Variants in IRX6 observed in about 807,000 individuals in gnomAD.
IRX6 encodes the protein iroquois-class homeodomain protein IRX-6.
IRX6 carries 46 observed loss-of-function variants against 47.7 expected under a neutral mutation model. That is an observed-to-expected ratio of 0.96 (90% CI 0.76 to 1.23). IRX6 has a LOEUF of 1.23. Among genes scored for constraint, IRX6 ranks in the 50% most tolerant of loss-of-function variants. The pLI, the probability that IRX6 is intolerant of heterozygous loss-of-function variation, is 0.00. For synonymous variants in IRX6, 265 were observed against 246.2 expected, an observed-to-expected ratio of 1.08 and a Z score of -0.72; for missense variants, 722 against 588.0, an observed-to-expected ratio of 1.23 and a Z score of -2.36.
At position 55,328,929 on chromosome 16, in the gene IRX6, C is replaced by T; in HGVS notation, c.951C>T (p.Ser317=). ...GCGGCCTGGCTGCGCCCCGCTTCTC[C>T]TTCAATGACCCTTCCGGATCGGAAG... is the stretch of plus-strand genomic sequence containing the variant. The part of the protein sequence containing the change: ...RECGLAAPRF[S]FNDPSGSEEA... Residue 317 remains serine (S), a synonymous_variant, in exon 5 of 6, where the codon TCC becomes TCT. Coordinates refer to ENST00000290552, the MANE Select transcript of IRX6 (RefSeq NM_024335.3). The T allele has an allele frequency of 3.1e-6, 5 of 1,613,448 alleles. No individual in the cohort carries two copies. The highest frequency in any genetic ancestry group is 4.2e-6 in the Non-Finnish European group (5 of 1,180,014).
Position 55,325,525 on chromosome 16 carries a change from AGGAAGG to A in IRX6, c.45+390_45+395del, listed in dbSNP as rs1567338498. 3.6e-4 allele frequency among the ~76,000 whole-genome samples: 13 copies of A among 36,012 alleles called. 3 individuals carry two copies. Among genetic ancestry groups the A allele is most frequent in the South Asian group, 1.6e-3 (1 of 638 alleles). The allele number at this position is 36,012 out of a possible 152,430, so 23.6% of individuals were successfully genotyped here. A position where few individuals can be genotyped will look rare whatever the true frequency, so the allele number is the denominator to read the frequency against. On this transcript the variant is annotated intron_variant, in intron 1 of 5. Transcript: ENST00000290552. Reference sequence around the variant, plus strand: ...AAGGAAGGAAGGAAGGAAGGAAGGAAGGAAGGAGAGAGAGAGAGAGAGAGAGAGAGA... The same window carrying A: ...AAGGAAGGAAGGAAGGAAGGAAGGAAAGAGAGAGAGAGAGAGAGAGAGAGA...
At chr16:55,325,187 C>G in intron 1 of IRX6, 51 bp downstream of exon 1, 1 of 1,569,042 alleles carries the variant, frequency 6.4e-7, no homozygotes, top group Non-Finnish European at 8.8e-7. Flanking sequence ...GGAGGGAGTG[C>G]CTAGTGCACG....
Position 55,330,501 on chromosome 16 carries a change from G to T in IRX6, c.*196G>T. 3.3e-6 allele frequency: 2 copies of T among 612,914 alleles called. No individual in the cohort carries two copies. The allele number at this position is 612,914 out of a possible 1,614,324, so 38.0% of individuals were successfully genotyped here. ...TGGTGGGCCGACTTGAACCTTAGCAGTCCCCACGGGAGATGGCAGGGCACC... is the reference window on the plus strand; with the variant it reads ...TGGTGGGCCGACTTGAACCTTAGCATTCCCCACGGGAGATGGCAGGGCACC... On this transcript the variant is annotated 3_prime_UTR_variant, in exon 6 of 6. Coordinates refer to ENST00000290552, the MANE Select transcript of IRX6 (RefSeq NM_024335.3).
At chr16:55,326,739 T>G in intron 2 of IRX6, 146 bp downstream of exon 2, 1 of 733,096 alleles carries the variant, frequency 1.4e-6, no homozygotes, top group African/African-American at 1.8e-5. Flanking sequence ...TACCTTACAG[T>G]TTGCAGAACT....
chr16:55,325,573 A>C (rs1299532143), intron 1 of IRX6, among the ~76,000 whole-genome samples: 53 of 131,844 alleles, frequency 4.0e-4, no homozygotes, highest in Non-Finnish European at 6.4e-4. Context: ...AAGAAAGAGA[A>C]AGAAAGAAAG....
At chr16:55,329,448 G>A (rs1296560332) in intron 5 of IRX6, 137 bp downstream of exon 5, 4 of 1,144,192 alleles carry the variant, frequency 3.5e-6, no homozygotes, top group Non-Finnish European at 4.8e-6. Flanking sequence ...GCTTTACAGC[G>A]CTCTTTCAGA....
chr16:55,325,541 G>A (rs796246873), intron 1 of IRX6, among the ~76,000 whole-genome samples: 1,226 of 10,810 alleles, frequency 0.11, 435 homozygotes, highest in East Asian at 0.3. Flanking sequence ...GAGAGAGAGA[G>A]AGAGAGAGAG....
At position 55,325,016 on chromosome 16, in the gene IRX6, C is replaced by A; in HGVS notation, c.-76C>A. 1 of 1,502,986 alleles carries A rather than the reference C, an allele frequency of 6.7e-7. No individual in the cohort carries two copies. Among genetic ancestry groups the A allele is most frequent in the South Asian group, 1.1e-5 (1 of 88,634 alleles). 93.1% of individuals were successfully genotyped at this position (1,502,986 alleles called of 1,614,324 possible). A position where few individuals can be genotyped will look rare whatever the true frequency, so the allele number is the denominator to read the frequency against. On this transcript the variant is annotated 5_prime_UTR_variant, in exon 1 of 6. It adds an upstream start codon to the 5' untranslated region. Coordinates refer to ENST00000290552, the MANE Select transcript of IRX6 (RefSeq NM_024335.3). Reference sequence around the variant, plus strand: ...CGGTGTAAGGAACTGAGACACCTCACTGCTGGGGGCGCGGAACAGCTGGGC... The same window carrying A: ...CGGTGTAAGGAACTGAGACACCTCAATGCTGGGGGCGCGGAACAGCTGGGC...
chr16:55,327,462 A>G (rs1960552160), intron 3 of IRX6, 57 bp downstream of exon 3: 4 of 1,571,144 alleles, frequency 2.5e-6, no homozygotes, highest in African/African-American at 1.4e-5. Context: ...CCCCACTGCC[A>G]AGGTAGGGTG....
intron 5 of IRX6, among the ~76,000 whole-genome samples, chr16:55,329,671 T>C (rs1379943273): frequency 7.6e-6 from 1 of 131,182 alleles, no homozygotes; most frequent in Non-Finnish European, 1.6e-5. Flanking sequence ...GTCCCCTGCC[T>C]GCCTTTCAGA....
chr16:55,328,734 G>A lies in IRX6; in HGVS notation c.756G>A (p.Arg252=), dbSNP rs1356126099. The A allele has an allele frequency of 1.2e-6, 2 of 1,613,156 alleles. No individual in the cohort carries two copies. The highest frequency in any genetic ancestry group is 3.3e-5 in the Admixed American group (2 of 60,008). Residue 252 remains arginine, a synonymous_variant, in exon 5 of 6, where the codon CGG becomes CGA. Transcript: ENST00000290552. ...VTASQEARGL[R]LSDLEDLEEE... is the part of the protein sequence containing the mutation. ...CTAGCCAGGAGGCCCGGGGGCTCCG[G>A]CTGAGTGACCTGGAAGACCTGGAGG... is the stretch of plus-strand genomic sequence containing the variant.
In IRX6 at chr16:55,326,569, G is replaced by GC; in HGVS notation, c.285dup (p.Ser96LeufsTer11). The GC allele has an allele frequency of 1.9e-6, 3 of 1,565,638 alleles. No individual in the cohort carries two copies. The highest frequency in any genetic ancestry group is 1.7e-4 in the Middle Eastern group (1 of 5,988). ...CTGGCTACCTGCCCTATAGCCCAGA[G>GC]CCCCCCTCACTGTATGGGGCACTGG... On this transcript the variant is annotated frameshift_variant, in exon 2 of 6. Transcript: ENST00000290552. LOFTEE classifies it high-confidence loss of function.
chr16:55,330,365 T>A lies in IRX6; in HGVS notation c.*60T>A. 1 of 1,577,258 alleles carries A rather than the reference T, an allele frequency of 6.3e-7. No individual in the cohort carries two copies. Among genetic ancestry groups the A allele is most frequent in the Non-Finnish European group, 8.7e-7 (1 of 1,146,470 alleles). On this transcript the variant is annotated 3_prime_UTR_variant, in exon 6 of 6. Transcript: ENST00000290552. ...ATGGGCCCCACGTTTCGAATTCATCTCCAGGTTAAGAAGCTGCCAGACCTT... is the reference window on the plus strand; with the variant it reads ...ATGGGCCCCACGTTTCGAATTCATCACCAGGTTAAGAAGCTGCCAGACCTT...
At position 55,327,800 on chromosome 16, in the gene IRX6, A is replaced by C; in HGVS notation, c.628A>C (p.Met210Leu). The C allele has an allele frequency of 1.2e-6, 2 of 1,612,912 alleles. No homozygotes were observed. The highest frequency in any genetic ancestry group is 1.9e-4 in the Middle Eastern group (1 of 5,226). ...CCGGCGCCTCAAGAAAGAGAACAAA[A>C]TGACATGGGCGCCCAAGAACAAAGG... ...ARRRLKKENK[M>L]TWAPKNKGGE... Residue 210 changes from methionine to leucine, a missense_variant, in exon 4 of 6, where the codon ATG becomes CTG. Transcript: ENST00000290552.
Position 55,327,614 on chromosome 16 carries a change from G to A in IRX6, c.442G>A (p.Gly148Ser), listed in dbSNP as rs200457134. 37 of 1,607,868 alleles carry A rather than the reference G, an allele frequency of 2.3e-5. No individual in the cohort carries two copies. The highest frequency in any genetic ancestry group is 2.0e-4 in the South Asian group (18 of 90,248). ...RYGAVELSGAGRRKNATRETT... is the reference protein window; with the variant it reads ...RYGAVELSGASRRKNATRETT... ...TGGCGCAGTGGAATTGAGTGGCGCC[G>A]GTCGCCGAAAGAACGCGACCCGGGA... Residue 148 changes from glycine to serine, a missense_variant, in exon 4 of 6, where the codon GGT (glycine) becomes AGT (serine). Coordinates refer to ENST00000290552, the MANE Select transcript of IRX6 (RefSeq NM_024335.3).
At chr16:55,329,568 A>G (rs1291969142) in intron 5 of IRX6, among the ~76,000 whole-genome samples, 3 of 152,224 alleles carry the variant, frequency 2.0e-5, no homozygotes, top group African/African-American at 7.2e-5. Context: ...CGTTCGAGAG[A>G]TGGACAACCA....
In IRX6 at chr16:55,329,114, G is replaced by C. The variant is rs758104787; in HGVS notation, c.1136G>C (p.Arg379Pro). 4 of 1,614,092 alleles carry C rather than the reference G, an allele frequency of 2.5e-6. No individual in the cohort carries two copies. The highest frequency in any genetic ancestry group is 1.1e-5 in the South Asian group (1 of 91,078). ...CCTAGGCCACGAAGTCCTGAGTGCC[G>C]TATGATTCCTGGACAGCCTCCTGCC... ...ARPRPRSPEC[R>P]MIPGQPPASA... Residue 379 changes from arginine (R) to proline (P), a missense_variant, in exon 5 of 6, where the codon CGT (arginine) becomes CCT (proline). Arg to Pro is a moderately radical substitution (Grantham distance 103, BLOSUM62 -2). Coordinates refer to ENST00000290552, the MANE Select transcript of IRX6 (RefSeq NM_024335.3).
chr16:55,326,285 GGGT>G lies in IRX6; in HGVS notation c.46-48_46-46del, dbSNP rs746546402. The stretch of plus-strand genomic sequence containing the variant: ...CTCCCTTCAGCGGGAGCGGGGGCGG[GGGT>G]GGGGGGGGGGTCTCTGACCTCCAGT... On this transcript the variant is annotated intron_variant, in intron 1 of 5. Transcript: ENST00000290552. 4.2e-6 allele frequency: 6 copies of G among 1,428,580 alleles called. No individual in the cohort carries two copies. In the Admixed American group the frequency reaches 6.0e-5, roughly 14 times the overall value. 88.5% of individuals were successfully genotyped at this position (1,428,580 alleles called of 1,614,324 possible).
chr16:55,327,517 C>A, intron 3 of IRX6, 69 bp from the exon 4 acceptor site: 1 of 1,577,156 alleles, frequency 6.3e-7, no homozygotes, highest in Non-Finnish European at 8.7e-7. Flanking sequence ...CACTTCCACG[C>A]CACAGACTGT....
Sources: gnomAD v4.1 joint callset for allele counts (sites outside exome capture counted in the v4.1 genomes callset) on GRCh38, gnomAD v4.1.1 for gene constraint, MANE v1.5 for transcripts, NCBI Gene and HGNC (gene_info 2026-07-23, HGNC 2026-07-21) for gene names.